Variants in KIAA1328 observed in about 807,000 individuals in gnomAD.
The protein encoded by KIAA1328 is KIAA1328.
KIAA1328 carries 52 observed loss-of-function variants against 68.1 expected under a neutral mutation model. The observed-to-expected ratio is 0.76, with a 90% CI of 0.61 to 0.96. The LOEUF is 0.96. Among genes scored for constraint, KIAA1328 ranks in the 40% least tolerant of loss-of-function variants. KIAA1328 has a pLI of 0.00. For missense variants in KIAA1328, 641 were observed against 677.6 expected, an observed-to-expected ratio of 0.95 and a Z score of 0.60; for synonymous variants, 232 against 239.4, an observed-to-expected ratio of 0.97 and a Z score of 0.28.
At chr18:37,183,637 T>TA (rs1230162576) in intron 9 of KIAA1328, among the ~76,000 whole-genome samples, 1 of 152,208 alleles carries the variant, frequency 6.6e-6, no homozygotes, top group East Asian at 1.9e-4. Context: ...AGTATATCAA[T>TA]AAGCCTGCAG....
At chr18:37,066,630 A>G (rs547146713) in intron 6 of KIAA1328, among the ~76,000 whole-genome samples, 40 of 152,320 alleles carry the variant, frequency 2.6e-4, no homozygotes, top group African/African-American at 9.1e-4. Flanking sequence ...AGAAATCACC[A>G]AAGATCATGC....
chr18:36,877,380 G>T (rs1363600741), intron 4 of KIAA1328, among the ~76,000 whole-genome samples: 1 of 152,072 alleles, frequency 6.6e-6, no homozygotes, highest in Non-Finnish European at 1.5e-5. Flanking sequence ...TATATATTTA[G>T]GATAGTCAGC....
At position 37,223,409 on chromosome 18, in the gene KIAA1328, C is replaced by T. The variant is rs1199845147; in HGVS notation, c.*1182C>T. The T allele has an allele frequency of 1.7e-5, 17 of 985,388 alleles. No homozygotes were observed. The East Asian group carries it at 8.0e-4, about 46-fold the overall frequency. The allele number at this position is 985,388 out of a possible 1,614,324, so 61.0% of individuals were successfully genotyped here. On this transcript the variant is annotated 3_prime_UTR_variant, in exon 10 of 10. Coordinates refer to ENST00000280020, the MANE Select transcript of KIAA1328 (RefSeq NM_020776.3). ...CACAGAGCTCTTGAGATGGGTCCTT[C>T]AGCTTGCAGTGGTCCCTAGTAGCCT...
chr18:37,171,746 A>G (rs1391801568), intron 8 of KIAA1328, among the ~76,000 whole-genome samples: 4 of 152,186 alleles, frequency 2.6e-5, no homozygotes, highest in Non-Finnish European at 5.9e-5. Flanking sequence ...CTCTACAAAA[A>G]TAAAAATAAA....
chr18:37,223,265 G>T lies in KIAA1328; in HGVS notation c.*1038G>T. The T allele has an allele frequency of 1.0e-6, 1 of 985,382 alleles. No individual in the cohort carries two copies. The highest frequency in any genetic ancestry group is 1.2e-6 in the Non-Finnish European group (1 of 830,040). The allele number at this position is 985,382 out of a possible 1,614,324, so 61.0% of individuals were successfully genotyped here. On this transcript the variant is annotated 3_prime_UTR_variant, in exon 10 of 10. Transcript: ENST00000280020. ...CAAAGAACCATCTCTACTTGCCAGA[G>T]TATGTTCCACCACCCAAGCAGGGTC...
chr18:36,930,129 G>T (rs1213208747), intron 5 of KIAA1328, among the ~76,000 whole-genome samples: 1 of 152,098 alleles, frequency 6.6e-6, no homozygotes, highest in Non-Finnish European at 1.5e-5. Context: ...TGTGTTTGTT[G>T]CTCCCAGAAA....
At chr18:36,978,202 A>G (rs1282693766) in intron 6 of KIAA1328, among the ~76,000 whole-genome samples, 3 of 152,232 alleles carry the variant, frequency 2.0e-5, no homozygotes, top group Admixed American at 6.5e-5. Flanking sequence ...TTCCTCCAGC[A>G]GTGAATTCTG....
chr18:37,118,852 G>A (rs887200939), intron 7 of KIAA1328, among the ~76,000 whole-genome samples: 6 of 152,066 alleles, frequency 3.9e-5, no homozygotes, highest in Non-Finnish European at 8.8e-5. Flanking sequence ...TAACTACGGA[G>A]GAAACAGCAC....
At chr18:37,152,670 G>A (rs2059062417) in intron 7 of KIAA1328, among the ~76,000 whole-genome samples, 1 of 152,240 alleles carries the variant, frequency 6.6e-6, no homozygotes, top group Middle Eastern at 3.4e-3. Flanking sequence ...GAGAGGAGTA[G>A]GCTGGTAAAG....
chr18:36,935,629 A>G (rs1016934402), intron 5 of KIAA1328, among the ~76,000 whole-genome samples: 3 of 152,136 alleles, frequency 2.0e-5, no homozygotes, highest in Non-Finnish European at 4.4e-5. Flanking sequence ...TGATCCTTTC[A>G]TAGTATTCTT....
intron 6 of KIAA1328, among the ~76,000 whole-genome samples, chr18:37,020,737 A>G (rs940826342): frequency 6.6e-5 from 10 of 152,328 alleles, no homozygotes; most frequent in African/African-American, 4.8e-5. Flanking sequence ...TTTTAAAGGA[A>G]TGGCCTGATG....
rs1259731285 is a variant in KIAA1328 at position 36,893,451 on chromosome 18, G to T, written c.448+7779G>T. On this transcript the variant is annotated intron_variant, in intron 5 of 9. Transcript: ENST00000280020. ...CCTGGCTATTTGTGTGTGTGTGTGT[G>T]TGTGTGTGTGTTTTTGTGTGTGTGT... Among the ~76,000 whole-genome samples, 4 of 137,608 alleles carry T rather than the reference G, an allele frequency of 2.9e-5. No individual in the cohort carries two copies. The Admixed American group carries it at 3.2e-4, about 11-fold the overall frequency. 90.3% of individuals were successfully genotyped at this position (137,608 alleles called of 152,430 possible). A position where few individuals can be genotyped will look rare whatever the true frequency, so the allele number is the denominator to read the frequency against.
intron 7 of KIAA1328, among the ~76,000 whole-genome samples, chr18:37,139,532 G>A (rs1298981855): frequency 6.6e-6 from 1 of 152,036 alleles, no homozygotes; most frequent in Non-Finnish European, 1.5e-5. Context: ...GTTATTATTG[G>A]ACCTGCCTTT....
intron 9 of KIAA1328, among the ~76,000 whole-genome samples, chr18:37,182,936 A>G (rs1202138308): frequency 6.6e-6 from 1 of 152,164 alleles, no homozygotes; most frequent in Non-Finnish European, 1.5e-5. Context: ...AATACATGTG[A>G]TATGATACTG....
intron 5 of KIAA1328, among the ~76,000 whole-genome samples, chr18:36,911,290 G>A (rs929685071): frequency 1.3e-5 from 2 of 152,078 alleles, no homozygotes; most frequent in African/African-American, 4.8e-5. Context: ...TTTTTAGCCT[G>A]TTATTCTACC....
chr18:36,854,009 G>T (rs750117404), intron 4 of KIAA1328, among the ~76,000 whole-genome samples: 1 of 152,126 alleles, frequency 6.6e-6, no homozygotes, highest in Non-Finnish European at 1.5e-5. Context: ...TTCATATGTT[G>T]AAGTGTTAAT....
At chr18:37,033,144 CTT>C (rs1280088792) in intron 6 of KIAA1328, among the ~76,000 whole-genome samples, 2 of 152,004 alleles carry the variant, frequency 1.3e-5, no homozygotes, top group Admixed American at 6.6e-5. Flanking sequence ...TTTTAAATAT[CTT>C]TTATTATCAT....
At chr18:37,139,243 A>G (rs571199500) in intron 7 of KIAA1328, among the ~76,000 whole-genome samples, 83 of 152,200 alleles carry the variant, frequency 5.5e-4, no homozygotes, top group Non-Finnish European at 1.0e-3. Context: ...GATTACAGGC[A>G]TGAGCCACCG....
chr18:37,088,743 T>C (rs967806287), intron 7 of KIAA1328, among the ~76,000 whole-genome samples: 10 of 152,030 alleles, frequency 6.6e-5, no homozygotes, highest in African/African-American at 2.2e-4. Flanking sequence ...CTATTTCTTA[T>C]TTATTCATGA....
Sources: gnomAD v4.1 joint callset for allele counts (sites outside exome capture counted in the v4.1 genomes callset) on GRCh38, gnomAD v4.1.1 for gene constraint, MANE v1.5 for transcripts, NCBI Gene and HGNC (gene_info 2026-07-23, HGNC 2026-07-21) for gene names.